NAPB: variants seen among roughly 807,000 people sequenced by gnomAD.
NAPB encodes the protein beta-soluble NSF attachment protein.
Under a neutral mutation model 44.7 loss-of-function variants are expected in NAPB, and 26 were observed. That is an observed-to-expected ratio of 0.58 (90% CI 0.43 to 0.81). The LOEUF (loss-of-function observed/expected upper bound fraction) is 0.81. NAPB is among the 30% of genes least tolerant of loss of function. The pLI, the probability that NAPB is intolerant of heterozygous loss-of-function variation, is 0.00. For missense variants in NAPB, 315 were observed against 356.4 expected, an observed-to-expected ratio of 0.88 and a Z score of 0.94; for synonymous variants, 120 against 116.8, an observed-to-expected ratio of 1.03 and a Z score of -0.18.
intron 5 of NAPB, among the ~76,000 whole-genome samples, chr20:23,391,025 C>A (rs1300771304): frequency 6.6e-6 from 1 of 152,138 alleles, no homozygotes; most frequent in Non-Finnish European, 1.5e-5. Context: ...GAAAAAAGAA[C>A]TGGTGTCGGC....
rs1421850059 is a variant in NAPB, at chr20:23,421,301, T to G, written c.98+4A>C. The G allele has an allele frequency of 2.6e-6, 4 of 1,548,626 alleles. No individual in the cohort carries two copies. The highest frequency in any genetic ancestry group is 3.5e-6 in the Non-Finnish European group (4 of 1,143,870). ...CCCCAGGGCACGCACGGTCTGGCGC[T>G]CACCCAAACAGCCCTCGGAGGAAGG... On this transcript the variant is annotated splice_donor_region_variant and intron_variant, in intron 1 of 10. Transcript: ENST00000377026.
intron 7 of NAPB, among the ~76,000 whole-genome samples, chr20:23,384,806 GA>G (rs2123147552): frequency 6.6e-6 from 1 of 152,180 alleles, no homozygotes; most frequent in Non-Finnish European, 1.5e-5. Flanking sequence ...GAAAAACAAA[GA>G]TTGGCACAGT....
intron 3 of NAPB, 134 bp from the exon 4 acceptor site, chr20:23,395,319 G>A (rs768633730): frequency 7.3e-6 from 6 of 822,006 alleles, no homozygotes; most frequent in Non-Finnish European, 1.2e-5. Context: ...GCAGGTTAAT[G>A]AGAAGCAAAC....
intron 1 of NAPB, among the ~76,000 whole-genome samples, chr20:23,413,125 C>T (rs148430412): frequency 3.3e-5 from 5 of 151,524 alleles, no homozygotes; most frequent in Admixed American, 6.6e-5. Context: ...AGCAAGATTC[C>T]GTGTCGAAAA....
At chr20:23,397,671 T>C (rs1984472090) in intron 2 of NAPB, among the ~76,000 whole-genome samples, 1 of 152,218 alleles carries the variant, frequency 6.6e-6, no homozygotes, top group South Asian at 2.1e-4. Flanking sequence ...GTAAGTTTCC[T>C]AAAAAGTGAA....
At chr20:23,385,128 A>G (rs896146807) in intron 7 of NAPB, among the ~76,000 whole-genome samples, 1 of 75,174 alleles carries the variant, frequency 1.3e-5, no homozygotes, top group East Asian at 4.3e-4. Flanking sequence ...CAAAACAAAC[A>G]AACAAAAAAA....
chr20:23,404,645 TG>T (rs768789522), intron 1 of NAPB, among the ~76,000 whole-genome samples: 1 of 152,246 alleles, frequency 6.6e-6, no homozygotes, highest in African/African-American at 2.4e-5. Context: ...CAGCTGCCAC[TG>T]CAGAGCTTCA....
intron 1 of NAPB, among the ~76,000 whole-genome samples, chr20:23,414,772 T>C (rs1985890337): frequency 6.6e-6 from 1 of 152,166 alleles, no homozygotes; most frequent in African/African-American, 2.4e-5. Context: ...ATAAACACAA[T>C]GTGAAAATCT....
chr20:23,404,380 C>T (rs748565981), intron 1 of NAPB, among the ~76,000 whole-genome samples: 24 of 152,144 alleles, frequency 1.6e-4, no homozygotes, highest in Non-Finnish European at 8.8e-5. Flanking sequence ...AGTGCACACA[C>T]GTGTTAGGAA....
chr20:23,379,436 A>G lies in NAPB; in HGVS notation c.786+9T>C, dbSNP rs1306989674. 1.9e-6 allele frequency: 3 copies of G among 1,593,826 alleles called. No homozygotes were observed. Among genetic ancestry groups the G allele is most frequent in the South Asian group, 1.2e-5 (1 of 86,916 alleles). On this transcript the variant is annotated intron_variant, in intron 10 of 10. Transcript: ENST00000377026. The stretch of plus-strand genomic sequence containing the variant: ...AAATAATGTACCATGTCCCAAAAGC[A>G]TAACTTACTGCTTCAGTGTAAGCTT...
At chr20:23,396,167 G>A (rs915558414) in intron 3 of NAPB, among the ~76,000 whole-genome samples, 1 of 152,170 alleles carries the variant, frequency 6.6e-6, no homozygotes, top group Non-Finnish European at 1.5e-5. Flanking sequence ...AGTCTCATGT[G>A]CTTCTTTAAT....
intron 2 of NAPB, among the ~76,000 whole-genome samples, chr20:23,398,735 T>C (rs1984578196): frequency 6.6e-6 from 1 of 151,726 alleles, no homozygotes; most frequent in African/African-American, 2.4e-5. Flanking sequence ...TCCCAGCTAC[T>C]TGGGAGGCTG....
chr20:23,401,809 A>G (rs1984873096), intron 2 of NAPB, among the ~76,000 whole-genome samples: 1 of 152,230 alleles, frequency 6.6e-6, no homozygotes, highest in South Asian at 2.1e-4. Context: ...TGAGCCCCAG[A>G]GGCAGAGATT....
chr20:23,378,567 G>A (rs926553925), intron 10 of NAPB, among the ~76,000 whole-genome samples: 4 of 149,796 alleles, frequency 2.7e-5, no homozygotes, highest in African/African-American at 7.3e-5. Flanking sequence ...TCAGCCTCCC[G>A]AGTAGCTGGT....
At chr20:23,412,555 G>A (rs771377904) in intron 1 of NAPB, among the ~76,000 whole-genome samples, 5 of 152,016 alleles carry the variant, frequency 3.3e-5, no homozygotes, top group Non-Finnish European at 5.9e-5. Context: ...AATTGCAAAC[G>A]TTAAAAAAGA....
At position 23,375,578 on chromosome 20, in the gene NAPB, G is replaced by GA. The variant is rs1400810665; in HGVS notation, c.*1797dup. 1 of 152,150 alleles carries GA rather than the reference G, an allele frequency of 6.6e-6. No individual in the cohort carries two copies. Among genetic ancestry groups the GA allele is most frequent in the Non-Finnish European group, 1.5e-5 (1 of 68,016 alleles). The allele number at this position is 152,150 out of a possible 1,614,324, so 9.4% of individuals were successfully genotyped here. On this transcript the variant is annotated 3_prime_UTR_variant, in exon 11 of 11. Coordinates refer to ENST00000377026, the MANE Select transcript of NAPB (RefSeq NM_022080.3). ...TTCATAAGAGATTCTAAGAGGGAGT[G>GA]AAAAAGTACCAACTGGACTCCATTC...
Position 23,377,451 on chromosome 20 carries a change from C to G in NAPB, c.822G>C (p.Gln274His). The G allele has an allele frequency of 6.2e-7, 1 of 1,606,726 alleles. No individual in the cohort carries two copies. The highest frequency in any genetic ancestry group is 8.5e-7 in the Non-Finnish European group (1 of 1,175,060). Residue 274 changes from glutamine (Q) to histidine (H), a missense_variant, in exon 11 of 11, where the codon CAG becomes CAC. Transcript: ENST00000377026. ...TGCGAAGCAACATGGTGGTCAGCCA[C>G]TGATCCAAGCGAGATATTGAGTCAA... ...KEFDSISRLD[Q>H]WLTTMLLRIK...
chr20:23,415,807 A>T (rs1411407444), intron 1 of NAPB, among the ~76,000 whole-genome samples: 5 of 152,098 alleles, frequency 3.3e-5, no homozygotes, highest in Admixed American at 1.3e-4. Flanking sequence ...TCTCTACAAA[A>T]AATACAAAAT....
At position 23,394,973 on chromosome 20, in the gene NAPB, G is replaced by A. The variant is rs756343138; in HGVS notation, c.369C>T (p.His123=). Reference sequence around the variant, plus strand: ...CATAGATCTCTGCAATAGTAATGTGGTGCTTGGCTGCAATTGTAAACCTTC... The same window carrying A: ...CATAGATCTCTGCAATAGTAATGTGATGCTTGGCTGCAATTGTAAACCTTC... ...DMGRFTIAAK[H]HITIAEIYET... The change falls in exon 5 of 11, where the codon CAC becomes CAT. Residue 123 remains histidine (H), a synonymous_variant. Coordinates refer to ENST00000377026, the MANE Select transcript of NAPB (RefSeq NM_022080.3). 9 of 1,614,142 alleles carry A rather than the reference G, an allele frequency of 5.6e-6. No homozygotes were observed. Among genetic ancestry groups the A allele is most frequent in the South Asian group, 5.5e-5 (5 of 91,074 alleles).
Sources: allele counts gnomAD v4.1 joint callset (sites outside exome capture counted in the v4.1 genomes callset), GRCh38; gene constraint gnomAD v4.1.1; transcripts MANE v1.5; gene names NCBI Gene and HGNC (gene_info 2026-07-23, HGNC 2026-07-21).